Variants in DGKB observed in about 807,000 individuals in gnomAD.
The protein encoded by DGKB is 90 kDa diacylglycerol kinase.
Under a neutral mutation model 114.3 loss-of-function variants are expected in DGKB, and 67 were observed. The observed-to-expected ratio is 0.59, with a 90% CI of 0.48 to 0.72. The LOEUF is 0.72. Ranked by LOEUF, DGKB falls within the 30% of genes least tolerant of loss-of-function variation. The probability of loss-of-function intolerance (pLI) is 0.00; values close to 1 mark genes in which losing one functional copy is unlikely to be tolerated. For missense variants in DGKB, 907 were observed against 975.2 expected (o/e 0.93, Z 0.93); for synonymous variants, 398 against 323.1 (o/e 1.23, Z -2.49).
At chr7:14,758,026 T>C (rs1279081701) in intron 2 of DGKB, among the ~76,000 whole-genome samples, 2 of 152,088 alleles carry the variant, frequency 1.3e-5, no homozygotes, top group Non-Finnish European at 2.9e-5. Flanking sequence ...GATTTTAGTA[T>C]CTGTAGATAT....
At chr7:14,972,321 G>A (rs1026674448) in intron 1 of DGKB, among the ~76,000 whole-genome samples, 3 of 151,902 alleles carry the variant, frequency 2.0e-5, no homozygotes, top group African/African-American at 4.8e-5. Context: ...TGTAACTTTT[G>A]CTGGCAAACT....
At position 14,784,825 on chromosome 7, in the gene DGKB, GT is replaced by G. The variant is rs547562250; in HGVS notation, c.71-27095del. Reference sequence around the variant, plus strand: ...TATTTTACCTCCTGTGTCAACTGCTGTTTTTTTTTTTAATGTTTTTTTGGCC... The same window carrying G: ...TATTTTACCTCCTGTGTCAACTGCTGTTTTTTTTTTAATGTTTTTTTGGCC... On this transcript the variant is annotated intron_variant, in intron 2 of 25. Transcript: ENST00000402815. 9.0e-4 allele frequency among the ~76,000 whole-genome samples: 126 copies of G among 139,312 alleles called. 1 individual carries two copies. In the South Asian group the frequency reaches 0.018, roughly 20 times the overall value. 91.4% of individuals were successfully genotyped at this position (139,312 alleles called of 152,430 possible).
At chr7:14,542,234 G>T (rs1793582588) in intron 20 of DGKB, among the ~76,000 whole-genome samples, 1 of 151,822 alleles carries the variant, frequency 6.6e-6, no homozygotes, top group African/African-American at 2.4e-5. Flanking sequence ...GCCCAGGCTG[G>T]TCTCAAACTC....
At chr7:14,689,208 T>TTTTATTTTA (rs1585672898) in intron 9 of DGKB, among the ~76,000 whole-genome samples, 2 of 109,774 alleles carry the variant, frequency 1.8e-5, no homozygotes, top group East Asian at 4.3e-4. Flanking sequence ...TATTTTTTTT[T>TTTTATTTTA]TTTTTTTTTT....
intron 1 of DGKB, among the ~76,000 whole-genome samples, chr7:14,924,331 C>A (rs1429260710): frequency 1.3e-5 from 2 of 152,008 alleles, no homozygotes; most frequent in African/African-American, 4.8e-5. Flanking sequence ...AAGGCAAATT[C>A]TATTTTCTTT....
chr7:14,296,092 C>T (rs1802505102), intron 23 of DGKB, among the ~76,000 whole-genome samples: 1 of 150,098 alleles, frequency 6.7e-6, no homozygotes, highest in Non-Finnish European at 1.5e-5. Flanking sequence ...AGTGCAGAGG[C>T]ACAATCTCGG....
In DGKB at chr7:14,222,898, C is replaced by T. The variant is rs146315067; in HGVS notation, c.2123-44747G>A. Among the ~76,000 whole-genome samples the T allele has an allele frequency of 2.6e-3, 390 of 151,566 alleles. 2 individuals carry two copies. The highest frequency in any genetic ancestry group is 8.9e-3 in the African/African-American group (370 of 41,464). On this transcript the variant is annotated intron_variant, in intron 23 of 25. Coordinates refer to ENST00000402815, the MANE Select transcript of DGKB (RefSeq NM_001350709.2). ...AGGATTGACGATCATTATTAAATGT[C>T]CTTCTTTATCTCTGGTATCATTCTT...
intron 23 of DGKB, among the ~76,000 whole-genome samples, chr7:14,285,488 A>G (rs1800731020): frequency 1.3e-5 from 2 of 152,190 alleles, no homozygotes; most frequent in South Asian, 4.1e-4. Context: ...TGAAGACAAA[A>G]AAGCCTAAAA....
At chr7:14,626,334 A>G (rs183833606) in intron 14 of DGKB, among the ~76,000 whole-genome samples, 69 of 152,354 alleles carry the variant, frequency 4.5e-4, no homozygotes, top group Admixed American at 3.3e-3. Flanking sequence ...CAAAGCTACA[A>G]AGGCGAGTGC....
intron 20 of DGKB, among the ~76,000 whole-genome samples, chr7:14,556,149 C>A (rs1795835679): frequency 6.6e-6 from 1 of 152,082 alleles, no homozygotes; most frequent in Non-Finnish European, 1.5e-5. Context: ...AATATTCAAG[C>A]CTTATTTTAT....
rs145609544 is a variant in DGKB, at chr7:14,402,614, G to T, written c.1836-57223C>A. On this transcript the variant is annotated intron_variant, in intron 21 of 25. Transcript: ENST00000402815. ...TATGTAAAAATAGCTATCAAAATGT[G>T]AAAAGTTATTATCTATAGCACTGAC... Among the ~76,000 whole-genome samples, 325 of 151,924 alleles carry T rather than the reference G, an allele frequency of 2.1e-3. 2 individuals carry two copies. Among genetic ancestry groups the T allele is most frequent in the African/African-American group, 7.6e-3 (314 of 41,490 alleles).
At chr7:14,918,922 G>T (rs1296900608) in intron 1 of DGKB, among the ~76,000 whole-genome samples, 5 of 151,882 alleles carry the variant, frequency 3.3e-5, no homozygotes, top group African/African-American at 1.2e-4. Flanking sequence ...AATTAGCCGG[G>T]CGTGGTGGCA....
In DGKB at chr7:14,757,642, AAAG is replaced by A; in HGVS notation, c.147+10_147+12del. On this transcript the variant is annotated intron_variant, in intron 3 of 25. Coordinates refer to ENST00000402815, the MANE Select transcript of DGKB (RefSeq NM_001350709.2). Reference sequence around the variant, plus strand: ...ATATATACGAAACTGATATAAAGAAAAAGAAGTTTTACCCCTTCAGGATTATAC... The same window carrying A: ...ATATATACGAAACTGATATAAAGAAAAAGTTTTACCCCTTCAGGATTATAC... 1.3e-6 allele frequency: 2 copies of A among 1,506,560 alleles called. No individual in the cohort carries two copies. The highest frequency in any genetic ancestry group is 1.8e-6 in the Non-Finnish European group (2 of 1,093,428). The allele number at this position is 1,506,560 out of a possible 1,614,324, so 93.3% of individuals were successfully genotyped here.
intron 13 of DGKB, among the ~76,000 whole-genome samples, chr7:14,662,609 G>C (rs980250963): frequency 6.6e-6 from 1 of 151,830 alleles, no homozygotes; most frequent in Non-Finnish European, 1.5e-5. Flanking sequence ...ACTAAAATAT[G>C]ACTTCTTTAC....
intron 9 of DGKB, among the ~76,000 whole-genome samples, chr7:14,692,798 G>A (rs185859889): frequency 6.6e-6 from 1 of 151,634 alleles, no homozygotes; most frequent in Non-Finnish European, 1.5e-5. Flanking sequence ...GATCCCATGG[G>A]CCTCATGAAA....
At chr7:14,351,276 A>C (rs1813376239) in intron 21 of DGKB, among the ~76,000 whole-genome samples, 1 of 152,230 alleles carries the variant, frequency 6.6e-6, no homozygotes, top group Non-Finnish European at 1.5e-5. Flanking sequence ...TACTTTAAAA[A>C]ATACACCACA....
chr7:14,571,683 G>C (rs1395484819), intron 20 of DGKB, among the ~76,000 whole-genome samples: 1 of 152,174 alleles, frequency 6.6e-6, no homozygotes, highest in South Asian at 2.1e-4. Flanking sequence ...CGGAAGAGAC[G>C]AAAGAAAGGC....
At chr7:14,876,127 A>G (rs1028643125) in intron 1 of DGKB, among the ~76,000 whole-genome samples, 1 of 152,178 alleles carries the variant, frequency 6.6e-6, no homozygotes, top group Non-Finnish European at 1.5e-5. Context: ...GCAGCTTTCC[A>G]TAAGACATGC....
rs1023846211 is a variant in DGKB at position 14,148,748 on chromosome 7, G to A, written c.*383C>T. 5 of 276,992 alleles carry A rather than the reference G, an allele frequency of 1.8e-5. No homozygotes were observed. Among genetic ancestry groups the A allele is most frequent in the Middle Eastern group, 1.2e-3 (1 of 810 alleles). The allele number at this position is 276,992 out of a possible 1,614,324, so 17.2% of individuals were successfully genotyped here. On this transcript the variant is annotated 3_prime_UTR_variant, in exon 26 of 26. Coordinates refer to ENST00000402815, the MANE Select transcript of DGKB (RefSeq NM_001350709.2). ...TTGTAGCGTTACTGATTAGTGCTTC[G>A]TAATAATTGGAATCACACTGAGAAT...
Sources: gnomAD v4.1 joint callset for allele counts (sites outside exome capture counted in the v4.1 genomes callset) on GRCh38, gnomAD v4.1.1 for gene constraint, MANE v1.5 for transcripts, NCBI Gene and HGNC (gene_info 2026-07-23, HGNC 2026-07-21) for gene names.